SV2C: variants seen among roughly 807,000 people sequenced by gnomAD.
The protein encoded by SV2C is synaptic vesicle glycoprotein 2C.
SV2C carries 49 observed loss-of-function variants against 79.7 expected under a neutral mutation model. That is an observed-to-expected ratio of 0.61 (90% confidence interval 0.49 to 0.78). The LOEUF is 0.78. Ranked by LOEUF, SV2C falls within the 30% of genes least tolerant of loss-of-function variation. The pLI is 0.00. For synonymous variants in SV2C, 334 were observed against 333.2 expected (o/e 1.00, Z -0.03); for missense variants, 833 against 912.9 (o/e 0.91, Z 1.13).
the SV2C span, among the ~76,000 whole-genome samples, chr5:76,036,436 C>A: frequency 6.6e-6 from 1 of 151,866 alleles, no homozygotes; most frequent in South Asian, 2.1e-4. Flanking sequence ...TTAGGGCAGG[C>A]CTGGTGGTGA....
At chr5:75,850,526 C>T in the SV2C span, among the ~76,000 whole-genome samples, 1 of 151,808 alleles carries the variant, frequency 6.6e-6, no homozygotes, top group African/African-American at 2.4e-5. Context: ...CAATTTGTTA[C>T]TATGACTACC....
At chr5:76,204,871 T>G (rs1744563025) in intron 3 of SV2C, among the ~76,000 whole-genome samples, 1 of 152,126 alleles carries the variant, frequency 6.6e-6, no homozygotes, top group Non-Finnish European at 1.5e-5. Flanking sequence ...GGCTGTGAAA[T>G]TCACAGTCAG....
intron 12 of SV2C, among the ~76,000 whole-genome samples, chr5:76,321,735 C>G (rs946351458): frequency 2.1e-5 from 3 of 143,916 alleles, no homozygotes; most frequent in Non-Finnish European, 4.5e-5. Flanking sequence ...GAGCGAGACC[C>G]TATCATCTCT....
intron 1 of SV2C, among the ~76,000 whole-genome samples, chr5:76,121,373 T>C (rs1748491504): frequency 3.3e-5 from 5 of 151,696 alleles, no homozygotes; most frequent in Non-Finnish European, 7.4e-5. Context: ...TTTAGTTTAA[T>C]TAGATCCCAT....
chr5:75,985,657 G>C, the SV2C span, among the ~76,000 whole-genome samples: 1 of 151,804 alleles, frequency 6.6e-6, no homozygotes, highest in African/African-American at 2.4e-5. Flanking sequence ...AGATTCAGTA[G>C]TCTTTTGTTA....
At chr5:75,873,816 A>C in the SV2C span, among the ~76,000 whole-genome samples, 2 of 152,202 alleles carry the variant, frequency 1.3e-5, no homozygotes, top group African/African-American at 4.8e-5. Context: ...AGAGACGGAC[A>C]AATTCCTGGA....
At chr5:76,215,824 T>C (rs556624973) in intron 4 of SV2C, among the ~76,000 whole-genome samples, 1 of 152,152 alleles carries the variant, frequency 6.6e-6, no homozygotes, top group African/African-American at 2.4e-5. Context: ...GGCATCCACA[T>C]TGCAAGTGTA....
chr5:76,119,624 T>C (rs774609011), intron 1 of SV2C, among the ~76,000 whole-genome samples: 5 of 151,970 alleles, frequency 3.3e-5, no homozygotes, highest in African/African-American at 1.2e-4. Flanking sequence ...AAATCCAGAA[T>C]TGAGCCACCG....
chr5:75,984,631 T>A, the SV2C span, among the ~76,000 whole-genome samples: 1 of 150,454 alleles, frequency 6.6e-6, no homozygotes, highest in Non-Finnish European at 1.5e-5. Flanking sequence ...ATCATCTATC[T>A]GTCATCTGTC....
the SV2C span, among the ~76,000 whole-genome samples, chr5:75,945,325 C>CT: frequency 0.06 from 9,032 of 150,696 alleles, 369 homozygotes; most frequent in Middle Eastern, 0.13. Context: ...TTCTCTCTCT[C>CT]TTTTTTTTTG....
the SV2C span, among the ~76,000 whole-genome samples, chr5:75,986,102 T>C: frequency 1.6e-4 from 23 of 147,744 alleles, no homozygotes; most frequent in Non-Finnish European, 3.1e-4. Context: ...TAGGCCATTA[T>C]TCGGCCTACC....
At chr5:76,312,099 G>A (rs541432087) in intron 12 of SV2C, among the ~76,000 whole-genome samples, 1 of 152,164 alleles carries the variant, frequency 6.6e-6, no homozygotes, top group Non-Finnish European at 1.5e-5. Context: ...CATAAATGTA[G>A]CTCCCGCGGT....
At chr5:75,989,913 A>G in the SV2C span, among the ~76,000 whole-genome samples, 1 of 145,498 alleles carries the variant, frequency 6.9e-6, no homozygotes, top group South Asian at 2.2e-4. Context: ...TTTTCATATG[A>G]TTATTGGCCA....
At chr5:75,988,771 G>A in the SV2C span, among the ~76,000 whole-genome samples, 1 of 151,842 alleles carries the variant, frequency 6.6e-6, no homozygotes, top group Admixed American at 6.6e-5. Context: ...TGAGCTGAAG[G>A]CAATTAAGAA....
intron 3 of SV2C, among the ~76,000 whole-genome samples, 166 bp downstream of exon 3, chr5:76,195,265 C>A (rs915599662): frequency 6.6e-6 from 1 of 152,122 alleles, no homozygotes; most frequent in Non-Finnish European, 1.5e-5. Flanking sequence ...AATTATCAAC[C>A]TTTAAATACA....
At chr5:76,011,189 G>T in the SV2C span, among the ~76,000 whole-genome samples, 1 of 152,124 alleles carries the variant, frequency 6.6e-6, no homozygotes, top group Non-Finnish European at 1.5e-5. Context: ...TTCCCACAGA[G>T]ACTCTGGCTT....
chr5:75,897,096 T>G, the SV2C span, among the ~76,000 whole-genome samples: 1,006 of 140,716 alleles, frequency 7.1e-3, 3 homozygotes, highest in Middle Eastern at 0.014. Context: ...GTCAATTTTG[T>G]CTTTTGTTGC....
chr5:76,208,869 G>C (rs1394760956), intron 3 of SV2C, among the ~76,000 whole-genome samples: 1 of 152,138 alleles, frequency 6.6e-6, no homozygotes, highest in African/African-American at 2.4e-5. Flanking sequence ...TGAGGCAGTG[G>C]TTCCTAAAGT....
chr5:76,260,822 AC>A (rs1351685883), intron 4 of SV2C, among the ~76,000 whole-genome samples: 4 of 151,106 alleles, frequency 2.6e-5, no homozygotes, highest in Non-Finnish European at 5.9e-5. Flanking sequence ...TGGTACCAGT[AC>A]CATGCTATCT....
Sources: allele counts gnomAD v4.1 joint callset (sites outside exome capture counted in the v4.1 genomes callset), GRCh38; gene constraint gnomAD v4.1.1; transcripts MANE v1.5; gene names NCBI Gene and HGNC (gene_info 2026-07-23, HGNC 2026-07-21).